RNF125: variants seen among roughly 807,000 people sequenced by gnomAD.
RNF125 encodes ring finger protein 125, also known as E3 ubiquitin-protein ligase RNF125.
A neutral mutation model predicts 26.0 loss-of-function variants in RNF125; 21 were observed. That is an observed-to-expected ratio of 0.81 (90% confidence interval 0.57 to 1.16). The LOEUF is 1.16. RNF125 is among the 50% of genes most tolerant of loss of function. The pLI is 0.00. For missense variants in RNF125, 270 were observed against 299.4 expected (o/e 0.90, Z 0.72); for synonymous variants, 95 against 109.2 (o/e 0.87, Z 0.81).
chr18:32,034,642 G>T (rs553541674), intron 1 of RNF125, among the ~76,000 whole-genome samples: 1 of 152,290 alleles, frequency 6.6e-6, no homozygotes, highest in South Asian at 2.1e-4. Flanking sequence ...GCCGGGCACA[G>T]TGGCTCATGC....
At chr18:32,024,798 T>C (rs907852940) in intron 1 of RNF125, among the ~76,000 whole-genome samples, 4 of 152,166 alleles carry the variant, frequency 2.6e-5, no homozygotes, top group African/African-American at 9.7e-5. Flanking sequence ...ACTAGCTTTA[T>C]TGCTGGGCAC....
chr18:32,059,792 A>G (rs1223641494), intron 4 of RNF125, among the ~76,000 whole-genome samples: 2 of 147,408 alleles, frequency 1.4e-5, no homozygotes, highest in Admixed American at 6.7e-5. Context: ...TTTGATTTTG[A>G]CTATTTTTTT....
At chr18:32,023,214 G>A (rs1044311266) in intron 1 of RNF125, among the ~76,000 whole-genome samples, 6 of 152,096 alleles carry the variant, frequency 3.9e-5, no homozygotes, top group Non-Finnish European at 5.9e-5. Context: ...GGGCAGTGGC[G>A]TGATCTCAGC....
At position 32,068,601 on chromosome 18, in the gene RNF125, A is replaced by G. The variant is rs868638717; in HGVS notation, c.*217A>G. 1.8e-4 allele frequency: 72 copies of G among 396,616 alleles called. No individual in the cohort carries two copies. Among genetic ancestry groups the G allele is most frequent in the Middle Eastern group, 1.1e-3 (3 of 2,648 alleles). 24.6% of individuals were successfully genotyped at this position (396,616 alleles called of 1,614,324 possible). Reference sequence around the variant, plus strand: ...TTGAGATTCTTACACATCTAACAACAAAAAAAATTATCTACATCAGTCATT... The same window carrying G: ...TTGAGATTCTTACACATCTAACAACGAAAAAAATTATCTACATCAGTCATT... On this transcript the variant is annotated 3_prime_UTR_variant, in exon 6 of 6. Transcript: ENST00000217740.
rs535873527 is a variant in RNF125 at position 32,038,854 on chromosome 18, C to T, written c.318+1585C>T. The stretch of plus-strand genomic sequence containing the variant: ...GATCTCAGCTCACTGCAGCCTCCAC[C>T]TTCTGGGTTTAAGCGATTTTCATGC... On this transcript the variant is annotated intron_variant, in intron 2 of 5. Transcript: ENST00000217740. Among the ~76,000 whole-genome samples the T allele has an allele frequency of 1.2e-4, 19 of 152,134 alleles. No homozygotes were observed. In the East Asian group the frequency reaches 3.5e-3, roughly 28 times the overall value.
chr18:32,060,123 C>T (rs1421334635), intron 4 of RNF125, among the ~76,000 whole-genome samples: 2 of 152,170 alleles, frequency 1.3e-5, no homozygotes, highest in African/African-American at 2.4e-5. Flanking sequence ...AATGAAGATT[C>T]ATTGCATAGA....
chr18:32,045,220 T>C (rs893978721), intron 3 of RNF125, among the ~76,000 whole-genome samples: 2 of 152,152 alleles, frequency 1.3e-5, no homozygotes, highest in African/African-American at 4.8e-5. Flanking sequence ...TTATCTGTGC[T>C]GTCCAAGATG....
chr18:32,047,159 C>T (rs2039280342), intron 4 of RNF125, among the ~76,000 whole-genome samples: 1 of 152,206 alleles, frequency 6.6e-6, no homozygotes, highest in Non-Finnish European at 1.5e-5. Flanking sequence ...GCCTCAGCCT[C>T]CTGAGTAGCT....
At chr18:32,077,739 A>G (rs1490903801), downstream of RNF125, among the ~76,000 whole-genome samples, 2 of 152,016 alleles carry the variant, frequency 1.3e-5, no homozygotes, top group Middle Eastern at 3.2e-3. Context: ...CACTCTAGTC[A>G]TGTACCATTT....
chr18:32,035,869 G>A (rs2039147238), intron 1 of RNF125, among the ~76,000 whole-genome samples: 1 of 152,052 alleles, frequency 6.6e-6, no homozygotes, highest in South Asian at 2.1e-4. Context: ...ATTGTGTCTG[G>A]AGGCCGGGCA....
intron 4 of RNF125, among the ~76,000 whole-genome samples, chr18:32,054,086 CTT>C (rs35616121): frequency 4.6e-4 from 41 of 88,358 alleles, no homozygotes; most frequent in Middle Eastern, 8.6e-3. Flanking sequence ...GACATTTGTA[CTT>C]TTTTTTTTTT....
chr18:32,067,493 A>G (rs1568210181), intron 5 of RNF125, among the ~76,000 whole-genome samples: 1 of 152,234 alleles, frequency 6.6e-6, no homozygotes, highest in South Asian at 2.1e-4. Flanking sequence ...TTCCTGAGCT[A>G]CTATATACTA....
At chr18:32,085,487 G>T in the RNF125 span, among the ~76,000 whole-genome samples, 1 of 151,528 alleles carries the variant, frequency 6.6e-6, no homozygotes, top group Non-Finnish European at 1.5e-5. Flanking sequence ...ATCACCTGAG[G>T]TCTGGAGTTT....
intron 4 of RNF125, among the ~76,000 whole-genome samples, chr18:32,063,434 A>T (rs1378990427): frequency 6.6e-6 from 1 of 152,172 alleles, no homozygotes; most frequent in East Asian, 1.9e-4. Context: ...AATGTTGGGG[A>T]AAATAAAGAA....
At chr18:32,024,821 C>G (rs1448769203) in intron 1 of RNF125, among the ~76,000 whole-genome samples, 1 of 152,264 alleles carries the variant, frequency 6.6e-6, no homozygotes, top group Non-Finnish European at 1.5e-5. Flanking sequence ...TGGCTCACAC[C>G]TATAATCCCA....
chr18:32,086,496 T>G, the RNF125 span, among the ~76,000 whole-genome samples: 1 of 151,610 alleles, frequency 6.6e-6, no homozygotes, highest in Non-Finnish European at 1.5e-5. Flanking sequence ...GGATTACACG[T>G]GTGAGCCACC....
rs780926131 is a variant in RNF125, at chr18:32,065,948, T to C, written c.551T>C (p.Phe184Ser). ...RLIPDENPSSFSGSLIRHLQV... is the reference protein window; with the variant it reads ...RLIPDENPSSSSGSLIRHLQV... ...ATACCCGATGAGAATCCAAGCAGCT[T>C]CAGTGGCAGTTTAATAAGACATCTG... Residue 184 changes from phenylalanine (F) to serine (S), a missense_variant, in exon 5 of 6, where the codon TTC (phenylalanine) becomes TCC (serine). Phe to Ser is a radical substitution (Grantham distance 155). Transcript: ENST00000217740. 1 of 1,613,952 alleles carries C rather than the reference T, an allele frequency of 6.2e-7. No homozygotes were observed. Among genetic ancestry groups the C allele is most frequent in the Non-Finnish European group, 8.5e-7 (1 of 1,179,798 alleles).
At chr18:32,020,086 C>T (rs2038972556) in intron 1 of RNF125, among the ~76,000 whole-genome samples, 1 of 151,154 alleles carries the variant, frequency 6.6e-6, no homozygotes, top group South Asian at 2.1e-4. Context: ...GGCTGGAGTG[C>T]GGTGGTGCTA....
rs1370866244 is a variant in RNF125 at position 32,056,930 on chromosome 18, CTGT to C, written c.505-8970_505-8968del. Among the ~76,000 whole-genome samples the C allele has an allele frequency of 2.0e-5, 3 of 152,100 alleles. No homozygotes were observed. In the South Asian group the frequency reaches 6.2e-4, roughly 31 times the overall value. ...TTTCTATTTCTACATTATACTTGGGCTGTTTATAGTATTGAGCTAATAAAGATT... is the reference window on the plus strand; with the variant it reads ...TTTCTATTTCTACATTATACTTGGGCTTATAGTATTGAGCTAATAAAGATT... On this transcript the variant is annotated intron_variant, in intron 4 of 5. Transcript: ENST00000217740.
Sources: allele counts gnomAD v4.1 joint callset (sites outside exome capture counted in the v4.1 genomes callset), GRCh38; gene constraint gnomAD v4.1.1; transcripts MANE v1.5; gene names NCBI Gene and HGNC (gene_info 2026-07-23, HGNC 2026-07-21).